Variants in MAPK10 observed in about 807,000 individuals in gnomAD.
MAPK10 encodes the protein JNK3 alpha protein kinase.
Under a neutral mutation model 59.3 loss-of-function variants are expected in MAPK10, and 25 were observed. The ratio of observed to expected loss-of-function variants is 0.42; its 90% confidence interval spans 0.31 to 0.59. MAPK10 has a LOEUF of 0.59. Among genes scored for constraint, MAPK10 ranks in the 20% least tolerant of loss-of-function variants. The probability of loss-of-function intolerance (pLI) is 0.15; values close to 1 mark genes in which losing one functional copy is unlikely to be tolerated. For missense variants in MAPK10, 351 were observed against 568.9 expected (o/e 0.62, Z 3.90); for synonymous variants, 190 against 200.5 (o/e 0.95, Z 0.44).
At chr4:86,290,136 G>T (rs897704434) in intron 2 of MAPK10, among the ~76,000 whole-genome samples, 2 of 152,130 alleles carry the variant, frequency 1.3e-5, no homozygotes, top group African/African-American at 4.8e-5. Context: ...ACAGGGAGGA[G>T]AGTGAGAAGA....
At chr4:86,574,446 G>C (rs1303474276) in intron 1 of MAPK10, among the ~76,000 whole-genome samples, 2 of 151,476 alleles carry the variant, frequency 1.3e-5, no homozygotes, top group African/African-American at 4.9e-5. Context: ...GGGTCAAATG[G>C]TATTTCTAGT....
intron 1 of MAPK10, among the ~76,000 whole-genome samples, chr4:86,395,552 G>T (rs73838715): frequency 2.6e-5 from 4 of 152,146 alleles, no homozygotes; most frequent in Admixed American, 6.5e-5. Context: ...TTTTTGGGGC[G>T]GAGGGAGTTG....
intron 1 of MAPK10, chr4:86,356,956 C>T (rs1043696356): frequency 6.6e-6 from 1 of 152,162 alleles, no homozygotes; most frequent in Non-Finnish European, 1.5e-5. Context: ...AGTCCTGCAG[C>T]AAATAGAGCA....
intron 2 of MAPK10, among the ~76,000 whole-genome samples, chr4:86,211,651 T>C (rs554244924): frequency 8.5e-5 from 13 of 152,150 alleles, no homozygotes; most frequent in South Asian, 4.1e-4. Flanking sequence ...AAGGAAAATA[T>C]ATAGATAATT....
intron 5 of MAPK10, among the ~76,000 whole-genome samples, chr4:86,106,450 T>C (rs2056552460): frequency 6.7e-6 from 1 of 148,802 alleles, no homozygotes; most frequent in African/African-American, 2.4e-5. Context: ...TATATTTATA[T>C]CTAAAATGTA....
intron 1 of MAPK10, among the ~76,000 whole-genome samples, chr4:86,414,666 G>T (rs1222283964): frequency 6.6e-6 from 1 of 152,126 alleles, no homozygotes; most frequent in Non-Finnish European, 1.5e-5. Context: ...GTCTGTGCTA[G>T]TTTCTTCCTG....
At chr4:86,444,717 C>A (rs1476803262) in intron 1 of MAPK10, among the ~76,000 whole-genome samples, 5 of 144,218 alleles carry the variant, frequency 3.5e-5, no homozygotes, top group Non-Finnish European at 4.5e-5. Flanking sequence ...AACAAATTTA[C>A]AAGAAAAAAA....
intron 11 of MAPK10, among the ~76,000 whole-genome samples, chr4:86,059,829 C>G (rs1352447265): frequency 6.6e-6 from 1 of 152,116 alleles, no homozygotes; most frequent in Non-Finnish European, 1.5e-5. Context: ...ATTTCCAGGC[C>G]TCATTTCCAG....
intron 2 of MAPK10, among the ~76,000 whole-genome samples, chr4:86,222,972 A>AT: frequency 6.6e-6 from 1 of 152,348 alleles, no homozygotes; most frequent in South Asian, 2.1e-4. Context: ...ACAAGGCCTC[A>AT]TCACCTTGGT....
At chr4:86,034,904 GGT>G (rs1447771013) in intron 11 of MAPK10, among the ~76,000 whole-genome samples, 1 of 152,110 alleles carries the variant, frequency 6.6e-6, no homozygotes, top group Non-Finnish European at 1.5e-5. Context: ...TAGGGGTGGT[GGT>G]GGTGGTGGTG....
intron 2 of MAPK10, among the ~76,000 whole-genome samples, chr4:86,258,319 G>A (rs2093838102): frequency 6.6e-6 from 1 of 152,042 alleles, no homozygotes; most frequent in African/African-American, 2.4e-5. Flanking sequence ...AAGTGGAGGA[G>A]CTCGTTCTCC....
intron 1 of MAPK10, among the ~76,000 whole-genome samples, chr4:86,525,409 T>C (rs893483458): frequency 2.6e-5 from 4 of 152,202 alleles, no homozygotes; most frequent in African/African-American, 9.6e-5. Flanking sequence ...TGTATTCACG[T>C]TACCTAGATT....
At chr4:86,118,762 T>C (rs2058714520) in intron 4 of MAPK10, among the ~76,000 whole-genome samples, 1 of 152,200 alleles carries the variant, frequency 6.6e-6, no homozygotes, top group African/African-American at 2.4e-5. Context: ...TCCCTTTACA[T>C]TTAAAATGTT....
At chr4:86,276,380 A>G (rs1400674956) in intron 2 of MAPK10, among the ~76,000 whole-genome samples, 3 of 152,114 alleles carry the variant, frequency 2.0e-5, no homozygotes, top group African/African-American at 7.2e-5. Context: ...CATCACTCAC[A>G]GAGAAAATAG....
At position 86,010,477 on chromosome 4, in the gene MAPK10, G is replaced by T. The variant is rs146300017; in HGVS notation, c.*6751C>A. On this transcript the variant is annotated 3_prime_UTR_variant, in exon 14 of 14. Transcript: ENST00000641462. ...CCATGCAATATATATCTCCTACACCGAAGTGTCCAAGAAATGTTTTTGGAG... is the reference window on the plus strand; with the variant it reads ...CCATGCAATATATATCTCCTACACCTAAGTGTCCAAGAAATGTTTTTGGAG... The T allele has an allele frequency of 7.9e-5, 12 of 152,066 alleles. No individual in the cohort carries two copies. The highest frequency in any genetic ancestry group is 2.7e-4 in the African/African-American group (11 of 41,402). 9.4% of individuals were successfully genotyped at this position (152,066 alleles called of 1,614,324 possible).
chr4:86,236,360 TG>T (rs1433113852), intron 2 of MAPK10, among the ~76,000 whole-genome samples: 2 of 152,196 alleles, frequency 1.3e-5, no homozygotes, highest in East Asian at 3.9e-4. Flanking sequence ...GTCTACCACA[TG>T]TCCTGAAAGA....
chr4:86,090,318 T>A (rs1003242659), intron 9 of MAPK10: 7 of 152,230 alleles, frequency 4.6e-5, no homozygotes, highest in Middle Eastern at 3.4e-3. Context: ...TCAAATTACA[T>A]CTTGTAATTT....
Position 86,181,488 on chromosome 4 carries a change from G to T in MAPK10, c.66+12848C>A, listed in dbSNP as rs1376755343. On this transcript the variant is annotated intron_variant, in intron 3 of 13. Transcript: ENST00000641462. ...CTAAGTTGATAAATGTTAGATAAAT[G>T]TTAGGTAAATACTGATTTATGATTA... is the stretch of plus-strand genomic sequence containing the variant. Among the ~76,000 whole-genome samples, 3 of 152,084 alleles carry T rather than the reference G, an allele frequency of 2.0e-5. No individual in the cohort carries two copies. In the South Asian group the frequency reaches 6.2e-4, roughly 32 times the overall value.
At chr4:86,275,102 C>T (rs2094535709) in intron 2 of MAPK10, among the ~76,000 whole-genome samples, 1 of 151,958 alleles carries the variant, frequency 6.6e-6, no homozygotes. Context: ...GTGACAATGA[C>T]TTTGTGCAGT....
Sources: gnomAD v4.1 joint callset for allele counts (sites outside exome capture counted in the v4.1 genomes callset) on GRCh38, gnomAD v4.1.1 for gene constraint, MANE v1.5 for transcripts, NCBI Gene and HGNC (gene_info 2026-07-23, HGNC 2026-07-21) for gene names.